SCHIP1: variants seen among roughly 807,000 people sequenced by gnomAD.
SCHIP1 encodes the protein schwannomin interacting protein 1.
A neutral mutation model predicts 29.7 loss-of-function variants in SCHIP1; 8 were observed. The observed-to-expected ratio is 0.27, with a 90% CI of 0.16 to 0.49. The LOEUF is 0.49. Among genes scored for constraint, SCHIP1 ranks in the 20% least tolerant of loss-of-function variants. The probability of loss-of-function intolerance (pLI) is 0.99; values close to 1 mark genes in which losing one functional copy is unlikely to be tolerated. For synonymous variants in SCHIP1, 76 were observed against 94.9 expected (o/e 0.80, Z 1.16); for missense variants, 193 against 294.6 (o/e 0.66, Z 2.52).
At chr3:159,708,409 T>C in the SCHIP1 span, among the ~76,000 whole-genome samples, 2 of 152,074 alleles carry the variant, frequency 1.3e-5, no homozygotes, top group African/African-American at 4.8e-5. Context: ...GCATTTGAAG[T>C]GAGGACAGAG....
At chr3:159,621,647 T>G in the SCHIP1 span, among the ~76,000 whole-genome samples, 6 of 151,376 alleles carry the variant, frequency 4.0e-5, no homozygotes, top group East Asian at 1.2e-3. Flanking sequence ...GTGTGGTTTT[T>G]TTGTTGTTGT....
chr3:159,630,109 T>G, the SCHIP1 span, among the ~76,000 whole-genome samples: 4 of 152,170 alleles, frequency 2.6e-5, no homozygotes, highest in African/African-American at 9.7e-5. Context: ...TTTATGAAAC[T>G]GTAAAGTTTC....
At chr3:159,656,475 T>C in the SCHIP1 span, among the ~76,000 whole-genome samples, 1 of 152,102 alleles carries the variant, frequency 6.6e-6, no homozygotes, top group Non-Finnish European at 1.5e-5. Context: ...TGTTAGTCAG[T>C]TGCCAGGTGG....
the SCHIP1 span, among the ~76,000 whole-genome samples, chr3:159,361,636 T>C: frequency 6.6e-6 from 1 of 152,072 alleles, no homozygotes; most frequent in African/African-American, 2.4e-5. Flanking sequence ...GAATAGATTG[T>C]AGGGGGCAAT....
chr3:159,735,410 G>T, the SCHIP1 span, among the ~76,000 whole-genome samples: 2 of 151,788 alleles, frequency 1.3e-5, no homozygotes, highest in Non-Finnish European at 2.9e-5. Context: ...TTGTATTTTT[G>T]TAGAGATGGG....
the SCHIP1 span, among the ~76,000 whole-genome samples, chr3:159,777,653 C>T: frequency 1.3e-5 from 2 of 152,056 alleles, no homozygotes; most frequent in East Asian, 3.9e-4. Context: ...AACAGAGTAT[C>T]TGAAATATAA....
the SCHIP1 span, among the ~76,000 whole-genome samples, chr3:159,614,850 G>C: frequency 6.6e-6 from 1 of 152,204 alleles, no homozygotes; most frequent in Admixed American, 6.5e-5. Context: ...CCTGCTATCA[G>C]CCAGGCACTG....
At chr3:159,288,440 A>G in the SCHIP1 span, among the ~76,000 whole-genome samples, 6 of 152,226 alleles carry the variant, frequency 3.9e-5, no homozygotes, top group African/African-American at 1.4e-4. Context: ...CTAGGATCTT[A>G]GAGGCATGTG....
chr3:159,875,631 G>A (rs1292848591), intron 2 of SCHIP1, among the ~76,000 whole-genome samples: 1 of 152,166 alleles, frequency 6.6e-6, no homozygotes, highest in Non-Finnish European at 1.5e-5. Context: ...TCACGTGACA[G>A]TGCTCCATTG....
At chr3:159,514,266 T>G in the SCHIP1 span, among the ~76,000 whole-genome samples, 3 of 152,218 alleles carry the variant, frequency 2.0e-5, no homozygotes, top group Non-Finnish European at 4.4e-5. Flanking sequence ...AAAAATCAAC[T>G]GATGATACAC....
the SCHIP1 span, among the ~76,000 whole-genome samples, chr3:159,762,498 G>A: frequency 4.2e-4 from 64 of 152,260 alleles, no homozygotes; most frequent in African/African-American, 1.4e-3. Flanking sequence ...ACTGTGCCAC[G>A]CCAGGGAATT....
chr3:159,834,676 G>T, the SCHIP1 span, among the ~76,000 whole-genome samples: 1 of 152,142 alleles, frequency 6.6e-6, no homozygotes, highest in Non-Finnish European at 1.5e-5. Flanking sequence ...CAAATTTTTT[G>T]AGTATTGACA....
the SCHIP1 span, among the ~76,000 whole-genome samples, chr3:159,575,136 T>C: frequency 9.5e-3 from 1,453 of 152,320 alleles, 14 homozygotes; most frequent in African/African-American, 0.033. Context: ...CCCAATGAGA[T>C]GAACCAGGTA....
the SCHIP1 span, among the ~76,000 whole-genome samples, chr3:159,589,824 T>C: frequency 6.6e-6 from 1 of 151,434 alleles, no homozygotes; most frequent in African/African-American, 2.5e-5. Flanking sequence ...TCAGAATTTT[T>C]CAAGTTAGTG....
the SCHIP1 span, among the ~76,000 whole-genome samples, chr3:159,757,157 T>C: frequency 6.6e-6 from 1 of 152,218 alleles, no homozygotes; most frequent in Non-Finnish European, 1.5e-5. Flanking sequence ...TTAGTCTGTT[T>C]TCATGCTGCT....
chr3:159,336,255 G>C, the SCHIP1 span, among the ~76,000 whole-genome samples: 1 of 152,130 alleles, frequency 6.6e-6, no homozygotes, highest in Non-Finnish European at 1.5e-5. Flanking sequence ...CCCTTTGTCA[G>C]ATGAGTAGAT....
At chr3:159,647,578 G>A in the SCHIP1 span, among the ~76,000 whole-genome samples, 6 of 152,144 alleles carry the variant, frequency 3.9e-5, no homozygotes, top group Admixed American at 3.9e-4. Context: ...AGCAGTGTCT[G>A]TCAGAAGAAA....
At chr3:159,283,355 G>T in the SCHIP1 span, among the ~76,000 whole-genome samples, 4 of 152,068 alleles carry the variant, frequency 2.6e-5, no homozygotes, top group Non-Finnish European at 5.9e-5. Context: ...GTTTCACCAT[G>T]TTGGCCAGGC....
the SCHIP1 span, among the ~76,000 whole-genome samples, chr3:159,584,152 C>T: frequency 8.5e-4 from 129 of 152,246 alleles, 1 homozygote; most frequent in South Asian, 5.2e-3. Context: ...TCTTTGAGTG[C>T]TGCTTCAGCT....
Sources: gnomAD v4.1 joint callset for allele counts (sites outside exome capture counted in the v4.1 genomes callset) on GRCh38, gnomAD v4.1.1 for gene constraint, MANE v1.5 for transcripts, NCBI Gene and HGNC (gene_info 2026-07-23, HGNC 2026-07-21) for gene names.